ZRANB1: variants seen among roughly 807,000 people sequenced by gnomAD.
ZRANB1 encodes ubiquitin thioesterase ZRANB1.
A neutral mutation model predicts 80.5 loss-of-function variants in ZRANB1; 16 were observed. The observed-to-expected ratio is 0.20, with a 90% confidence interval of 0.13 to 0.30. The LOEUF (loss-of-function observed/expected upper bound fraction) is 0.30, where lower values mean the gene tolerates loss of function less well. Ranked by LOEUF, ZRANB1 falls within the 10% of genes least tolerant of loss-of-function variation. ZRANB1 has a pLI of 1.00. For missense variants in ZRANB1, 576 were observed against 862.6 expected, an observed-to-expected ratio of 0.67 and a Z score of 4.16; for synonymous variants, 291 against 293.1, an observed-to-expected ratio of 0.99 and a Z score of 0.07.
At chr10:124,951,131 G>A (rs757983981) in intron 1 of ZRANB1, among the ~76,000 whole-genome samples, 1 of 152,008 alleles carries the variant, frequency 6.6e-6, no homozygotes, top group Non-Finnish European at 1.5e-5. Context: ...TACGTATATA[G>A]ATGGACATTT....
At position 124,973,658 on chromosome 10, in the gene ZRANB1, G is replaced by C. The variant is rs1430483254; in HGVS notation, c.1170G>C (p.Leu390Phe). The change falls in exon 4 of 9, where the codon TTG becomes TTC. Residue 390 changes from leucine to phenylalanine, a missense_variant. Physicochemically the swap from Leu to Phe is conservative, Grantham distance 22. Coordinates refer to ENST00000359653, the MANE Select transcript of ZRANB1 (RefSeq NM_017580.3). ...TFTLPADIED[L>F]PPTVQEKLFD... ...TTTTCTTTGTAGATATTGAAGATTT[G>C]CCCCCAACAGTCCAAGAAAAATTAT... is the stretch of plus-strand genomic sequence containing the variant. The C allele has an allele frequency of 6.2e-7, 1 of 1,611,640 alleles. No homozygotes were observed. Among genetic ancestry groups the C allele is most frequent in the Non-Finnish European group, 8.5e-7 (1 of 1,179,406 alleles).
At chr10:124,946,913 G>A (rs183789876) in intron 1 of ZRANB1, among the ~76,000 whole-genome samples, 3 of 152,180 alleles carry the variant, frequency 2.0e-5, no homozygotes, top group Non-Finnish European at 2.9e-5. Flanking sequence ...TTGATGTTAA[G>A]TGTTTTTTAA....
At chr10:124,984,676 A>G (rs1951993823) in intron 8 of ZRANB1, 98 bp from the exon 9 acceptor site, 1 of 1,259,792 alleles carries the variant, frequency 7.9e-7, no homozygotes, top group Admixed American at 2.4e-5. Flanking sequence ...TGGCCTTTTC[A>G]TGAGTTAGCA....
In ZRANB1 at chr10:124,985,295, G is replaced by A. The variant is rs1205756870; in HGVS notation, c.*303G>A. 4.1e-6 allele frequency: 1 copy of A among 241,862 alleles called. No homozygotes were observed. Among genetic ancestry groups the A allele is most frequent in the Non-Finnish European group, 7.9e-6 (1 of 126,436 alleles). 15.0% of individuals were successfully genotyped at this position (241,862 alleles called of 1,614,324 possible). On this transcript the variant is annotated 3_prime_UTR_variant, in exon 9 of 9. Transcript: ENST00000359653. ...AACGCATGTGGTTGTGTAAGACATT[G>A]TTTAATAGGAAAAGTTGTACCAGCA...
the ZRANB1 span, among the ~76,000 whole-genome samples, chr10:124,918,473 GC>G: frequency 6.6e-6 from 1 of 152,218 alleles, no homozygotes; most frequent in Non-Finnish European, 1.5e-5. Context: ...ATAGGCATGT[GC>G]CACCGCGCTT....
At chr10:124,974,163 G>A (rs780805239) in intron 4 of ZRANB1, 37 bp from the exon 5 acceptor site, 1 of 1,599,818 alleles carries the variant, frequency 6.3e-7, no homozygotes, top group Admixed American at 1.7e-5. Flanking sequence ...AATGACATAG[G>A]TATGGAAATG....
chr10:124,959,964 T>C (rs971865274), intron 1 of ZRANB1, among the ~76,000 whole-genome samples: 3 of 152,042 alleles, frequency 2.0e-5, no homozygotes, highest in African/African-American at 7.2e-5. Flanking sequence ...TGAAGTAGAA[T>C]TGGCAAAACT....
chr10:124,944,062 C>T (rs1951559720), intron 1 of ZRANB1, among the ~76,000 whole-genome samples: 1 of 152,196 alleles, frequency 6.6e-6, no homozygotes, highest in African/African-American at 2.4e-5. Context: ...TGTATTGTGA[C>T]ATTTTCCTCA....
At chr10:124,939,207 T>TC (rs1951513949), upstream of ZRANB1, among the ~76,000 whole-genome samples, 1 of 151,500 alleles carries the variant, frequency 6.6e-6, no homozygotes, top group African/African-American at 2.4e-5. Flanking sequence ...TTTTTTTTTT[T>TC]CCTTTTTTGT....
the ZRANB1 span, among the ~76,000 whole-genome samples, chr10:124,926,849 G>A: frequency 4.6e-5 from 7 of 152,182 alleles, no homozygotes; most frequent in Non-Finnish European, 7.4e-5. Flanking sequence ...TGGCTTTGAC[G>A]TCACAAGGCA....
At chr10:124,956,567 C>T (rs1426891344) in intron 1 of ZRANB1, among the ~76,000 whole-genome samples, 1 of 152,138 alleles carries the variant, frequency 6.6e-6, no homozygotes. Context: ...CTCCCAGGCT[C>T]CAGCGATTCT....
the ZRANB1 span, among the ~76,000 whole-genome samples, chr10:124,924,532 A>T: frequency 5.9e-5 from 9 of 152,110 alleles, no homozygotes; most frequent in Non-Finnish European, 1.2e-4. Flanking sequence ...TTGTCTCTCT[A>T]GATTTGCCTA....
At chr10:124,971,504 G>A (rs1246992701) in intron 2 of ZRANB1, among the ~76,000 whole-genome samples, 9 of 152,182 alleles carry the variant, frequency 5.9e-5, no homozygotes, top group East Asian at 1.9e-4. Flanking sequence ...TTTAAATACC[G>A]TGCTTTTTTT....
At chr10:124,919,334 C>CA in the ZRANB1 span, among the ~76,000 whole-genome samples, 32 of 152,186 alleles carry the variant, frequency 2.1e-4, no homozygotes, top group East Asian at 5.1e-3. Context: ...CGCCTGAGGT[C>CA]AGTAGTTCGA....
chr10:124,928,834 G>A, the ZRANB1 span, among the ~76,000 whole-genome samples: 2 of 152,210 alleles, frequency 1.3e-5, no homozygotes, highest in Non-Finnish European at 2.9e-5. Context: ...AAATCTTTCT[G>A]AAGAGGTGAC....
At chr10:124,962,369 G>A in intron 1 of ZRANB1, 1 of 985,262 alleles carries the variant, frequency 1.0e-6, no homozygotes, top group East Asian at 1.1e-4. Flanking sequence ...AGCTACCATA[G>A]AACTCCAGGG....
At chr10:124,961,909 G>A (rs1317461560) in intron 1 of ZRANB1, among the ~76,000 whole-genome samples, 1 of 152,162 alleles carries the variant, frequency 6.6e-6, no homozygotes, top group African/African-American at 2.4e-5. Context: ...AGAAATAGTG[G>A]ATCTTAACTT....
the ZRANB1 span, among the ~76,000 whole-genome samples, chr10:124,925,571 G>A: frequency 6.6e-6 from 1 of 152,068 alleles, no homozygotes; most frequent in Non-Finnish European, 1.5e-5. Context: ...GGTGTTCTTT[G>A]AAGCACAAAA....
Position 124,985,178 on chromosome 10 carries a change from G to C in ZRANB1, c.*186G>C. 1.9e-6 allele frequency: 1 copy of C among 515,744 alleles called. No homozygotes were observed. The allele number at this position is 515,744 out of a possible 1,614,324, so 31.9% of individuals were successfully genotyped here. A position where few individuals can be genotyped will look rare whatever the true frequency, so the allele number is the denominator to read the frequency against. ...TGCCTCTGCTGCGTGAGGAGACAGA[G>C]AACTTTAGTTGGACTACAGTTTGTA... On this transcript the variant is annotated 3_prime_UTR_variant, in exon 9 of 9. Transcript: ENST00000359653.
Sources: allele counts gnomAD v4.1 joint callset (sites outside exome capture counted in the v4.1 genomes callset), GRCh38; gene constraint gnomAD v4.1.1; transcripts MANE v1.5; gene names NCBI Gene and HGNC (gene_info 2026-07-23, HGNC 2026-07-21).